The following HEMK2 variants were observed in gnomAD, a reference collection of about 807,000 sequenced individuals.
HEMK2 encodes HemK methyltransferase 2, ETF1 glutamine and histone H4 lysine.
chr21:28,616,357 A>T, the HEMK2 span, among the ~76,000 whole-genome samples: 1 of 152,212 alleles, frequency 6.6e-6, no homozygotes, highest in Non-Finnish European at 1.5e-5. Context: ...CAATAAAAAA[A>T]TTATTGGAAA....
At chr21:28,749,599 C>T in the HEMK2 span, among the ~76,000 whole-genome samples, 1 of 152,208 alleles carries the variant, frequency 6.6e-6, no homozygotes, top group African/African-American at 2.4e-5. Flanking sequence ...AGTGTGAATA[C>T]TGATACTGTT....
At chr21:28,736,756 T>G in the HEMK2 span, among the ~76,000 whole-genome samples, 4 of 150,178 alleles carry the variant, frequency 2.7e-5, no homozygotes, top group African/African-American at 9.8e-5. Flanking sequence ...CAGAGTGAGA[T>G]CCTTTCAGAA....
At chr21:28,834,572 G>A in the HEMK2 span, among the ~76,000 whole-genome samples, 1 of 152,176 alleles carries the variant, frequency 6.6e-6, no homozygotes, top group Non-Finnish European at 1.5e-5. Flanking sequence ...AGGAGCAGGG[G>A]ATAAAACTAC....
chr21:28,820,531 C>T, the HEMK2 span, among the ~76,000 whole-genome samples: 1 of 152,064 alleles, frequency 6.6e-6, no homozygotes, highest in African/African-American at 2.4e-5. Context: ...ATTTATTATC[C>T]CCCTAAAATT....
the HEMK2 span, among the ~76,000 whole-genome samples, chr21:28,583,449 G>A: frequency 6.6e-6 from 1 of 152,136 alleles, no homozygotes; most frequent in South Asian, 2.1e-4. Context: ...AGTCCTCCCT[G>A]CCCTCTGGTC....
At chr21:28,795,282 C>A in the HEMK2 span, among the ~76,000 whole-genome samples, 1 of 152,116 alleles carries the variant, frequency 6.6e-6, no homozygotes, top group Admixed American at 6.6e-5. Flanking sequence ...AAATCTAAAA[C>A]TAAGAATGGG....
At chr21:28,795,715 G>A in the HEMK2 span, among the ~76,000 whole-genome samples, 1 of 152,116 alleles carries the variant, frequency 6.6e-6, no homozygotes, top group Admixed American at 6.5e-5. Context: ...ATATTCAGAG[G>A]AGCCCAATGT....
the HEMK2 span, among the ~76,000 whole-genome samples, chr21:28,780,283 T>C: frequency 6.6e-6 from 1 of 152,198 alleles, no homozygotes; most frequent in Admixed American, 6.5e-5. Flanking sequence ...GTTCAAGTGA[T>C]TCTCCTGCCT....
the HEMK2 span, among the ~76,000 whole-genome samples, chr21:28,837,264 A>G: frequency 6.6e-6 from 1 of 152,240 alleles, no homozygotes; most frequent in South Asian, 2.1e-4. Flanking sequence ...CAACACATAG[A>G]ACTTTCTCCA....
the HEMK2 span, among the ~76,000 whole-genome samples, chr21:28,608,513 AAGAACTACTG>A: frequency 0.14 from 20,756 of 152,056 alleles, 1,474 homozygotes; most frequent in Middle Eastern, 0.17. Context: ...CTTTTGCTCC[AAGAACTACTG>A]AGGAACATAA....
At chr21:28,614,415 T>TAA in the HEMK2 span, among the ~76,000 whole-genome samples, 1 of 148,480 alleles carries the variant, frequency 6.7e-6, no homozygotes, top group African/African-American at 2.5e-5. Context: ...TTTCATACAT[T>TAA]AAAAAAAAAA....
chr21:28,801,555 A>C, the HEMK2 span, among the ~76,000 whole-genome samples: 1 of 152,258 alleles, frequency 6.6e-6, no homozygotes, highest in African/African-American at 2.4e-5. Flanking sequence ...AAAGCCAATC[A>C]ATAGGAAAAT....
At chr21:28,659,581 C>A in the HEMK2 span, among the ~76,000 whole-genome samples, 1 of 151,988 alleles carries the variant, frequency 6.6e-6, no homozygotes, top group Non-Finnish European at 1.5e-5. Context: ...TATTCATATA[C>A]CCTGGACTCA....
the HEMK2 span, among the ~76,000 whole-genome samples, chr21:28,687,229 A>C: frequency 6.6e-6 from 1 of 152,226 alleles, no homozygotes; most frequent in Non-Finnish European, 1.5e-5. Flanking sequence ...AGATTGTAAT[A>C]CATGTCTTAT....
At chr21:28,812,260 TATG>T in the HEMK2 span, among the ~76,000 whole-genome samples, 1 of 152,206 alleles carries the variant, frequency 6.6e-6, no homozygotes, top group African/African-American at 2.4e-5. Flanking sequence ...GCCCATTTAG[TATG>T]ATATTGGCTG....
chr21:28,617,722 C>T, the HEMK2 span, among the ~76,000 whole-genome samples: 4 of 147,728 alleles, frequency 2.7e-5, no homozygotes, highest in Non-Finnish European at 5.9e-5. Context: ...GTAAGCTATT[C>T]CTGGAAACAG....
chr21:28,838,998 TATAC>T, the HEMK2 span, among the ~76,000 whole-genome samples: 717 of 57,860 alleles, frequency 0.012, 21 homozygotes, highest in African/African-American at 0.04. Context: ...TATATATATA[TATAC>T]ATATATATAC....
At chr21:28,628,971 C>A in the HEMK2 span, among the ~76,000 whole-genome samples, 1 of 152,316 alleles carries the variant, frequency 6.6e-6, no homozygotes, top group East Asian at 1.9e-4. Context: ...AGTGGGGATT[C>A]TTGAACTTAC....
At chr21:28,721,278 G>A in the HEMK2 span, among the ~76,000 whole-genome samples, 1 of 151,972 alleles carries the variant, frequency 6.6e-6, no homozygotes, top group Admixed American at 6.6e-5. Flanking sequence ...ACCATGCCCA[G>A]CTAATTTTTG....
Sources: allele counts gnomAD v4.1 joint callset (sites outside exome capture counted in the v4.1 genomes callset), GRCh38; gene constraint gnomAD v4.1.1; transcripts MANE v1.5; gene names NCBI Gene and HGNC (gene_info 2026-07-23, HGNC 2026-07-21).